Variants in CFTR observed in about 807,000 individuals in gnomAD.
CFTR encodes cystic fibrosis transmembrane conductance regulator.
CFTR carries 181 observed loss-of-function variants against 171.6 expected under a neutral mutation model. That is an observed-to-expected ratio of 1.05 (90% confidence interval 0.93 to 1.19). The LOEUF is 1.19. CFTR is among the 50% of genes most tolerant of loss of function. The pLI, the probability that CFTR is intolerant of heterozygous loss-of-function variation, is 0.00. For synonymous variants in CFTR, 583 were observed against 608.0 expected, an observed-to-expected ratio of 0.96 and a Z score of 0.60; for missense variants, 1,968 against 1,734.7, an observed-to-expected ratio of 1.13 and a Z score of -2.39.
rs200046355 is a variant in CFTR, at chr7:117,540,148, T to C, written c.918T>C (p.Asn306=). ...AGGCAGCCTATGTGAGATACTTCAATAGCTCAGCCTTCTTCTTCTCAGGGT... is the reference window on the plus strand; with the variant it reads ...AGGCAGCCTATGTGAGATACTTCAACAGCTCAGCCTTCTTCTTCTCAGGGT... The part of the protein sequence containing the change: ...TRKAAYVRYF[N]SSAFFFSGFF... The change falls in exon 8 of 27, where the codon AAT becomes AAC. Residue 306 remains asparagine (N), a synonymous_variant. Transcript: ENST00000003084. The C allele has an allele frequency of 1.2e-6, 2 of 1,613,534 alleles. No individual in the cohort carries two copies. Among genetic ancestry groups the C allele is most frequent in the South Asian group, 1.1e-5 (1 of 91,082 alleles).
intron 21 of CFTR, among the ~76,000 whole-genome samples, chr7:117,615,681 G>A (rs1164539093): frequency 6.6e-6 from 1 of 151,620 alleles, no homozygotes; most frequent in Non-Finnish European, 1.5e-5. Flanking sequence ...TAATATTATA[G>A]TAATGCTTAT....
intron 22 of CFTR, among the ~76,000 whole-genome samples, chr7:117,636,554 G>A (rs76266760): frequency 4.0e-5 from 6 of 151,158 alleles, no homozygotes; most frequent in Non-Finnish European, 7.4e-5. Context: ...TAGTCATCCC[G>A]CTGTTTTGGA....
chr7:117,606,457 T>A (rs1340615713), intron 17 of CFTR, among the ~76,000 whole-genome samples: 3 of 152,168 alleles, frequency 2.0e-5, no homozygotes, highest in South Asian at 4.1e-4. Context: ...TCTGAAACTT[T>A]TAAAAAGGTT....
intron 12 of CFTR, among the ~76,000 whole-genome samples, chr7:117,588,398 A>G (rs1791977759): frequency 6.6e-6 from 1 of 152,146 alleles, no homozygotes; most frequent in Non-Finnish European, 1.5e-5. Context: ...GCTGTCAAAG[A>G]GATGTAAATA....
chr7:117,512,162 A>G (rs991283808), intron 3 of CFTR, among the ~76,000 whole-genome samples: 1 of 152,176 alleles, frequency 6.6e-6, no homozygotes, highest in Non-Finnish European at 1.5e-5. Flanking sequence ...TTTGCTGTTA[A>G]CTGTGAAAGG....
At chr7:117,561,393 T>A (rs1799461773) in intron 11 of CFTR, among the ~76,000 whole-genome samples, 1 of 152,090 alleles carries the variant, frequency 6.6e-6, no homozygotes, top group Non-Finnish European at 1.5e-5. Context: ...TTCACAGGGT[T>A]GTATTATCAT....
At chr7:117,652,719 T>C in intron 23 of CFTR, 123 bp from the exon 24 acceptor site, 1 of 602,272 alleles carries the variant, frequency 1.7e-6, no homozygotes, top group Non-Finnish European at 3.0e-6. Context: ...TGATGGTAAG[T>C]ACATGGGTGT....
rs535585974 is a variant in CFTR, at chr7:117,595,370, A to G, written c.2619+312A>G. Among the ~76,000 whole-genome samples the G allele has an allele frequency of 2.7e-5, 4 of 150,586 alleles. No individual in the cohort carries two copies. The East Asian group carries it at 5.8e-4, about 22-fold the overall frequency. On this transcript the variant is annotated intron_variant, in intron 15 of 26. Coordinates refer to ENST00000003084, the MANE Select transcript of CFTR (RefSeq NM_000492.4). Reference sequence around the variant, plus strand: ...TATATTTAAATACAAATATAAGAAGAGTTTTTAATAGATTTTTAATAATAA... The same window carrying G: ...TATATTTAAATACAAATATAAGAAGGGTTTTTAATAGATTTTTAATAATAA...
intron 24 of CFTR, 86 bp from the exon 25 acceptor site, chr7:117,664,602 T>C (rs1340773814): frequency 4.0e-6 from 5 of 1,265,326 alleles, no homozygotes; most frequent in Non-Finnish European, 3.5e-6. Context: ...ACATAAGCTT[T>C]CAGAACTCCT....
At chr7:117,612,043 A>ATATATG (rs1792411870) in intron 20 of CFTR, among the ~76,000 whole-genome samples, 3 of 72,252 alleles carry the variant, frequency 4.2e-5, no homozygotes, top group Admixed American at 1.2e-4. Context: ...ATATATATAT[A>ATATATG]TATATATATA....
intron 11 of CFTR, chr7:117,560,798 G>A (rs961280228): frequency 2.6e-5 from 4 of 152,024 alleles, no homozygotes; most frequent in Admixed American, 2.6e-4. Context: ...ATAACCTGGA[G>A]GTTGGAAAAA....
chr7:117,548,715 C>G lies in CFTR; in HGVS notation c.1284C>G (p.Leu428=). 4 of 1,613,422 alleles carry G rather than the reference C, an allele frequency of 2.5e-6. No homozygotes were observed. The highest frequency in any genetic ancestry group is 3.4e-6 in the Non-Finnish European group (4 of 1,179,616). Reference sequence around the variant, plus strand: ...AAACTTCTAATGGTGATGACAGCCTCTTCTTCAGTAATTTCTCACTTCTTG... The same window carrying G: ...AAACTTCTAATGGTGATGACAGCCTGTTCTTCAGTAATTTCTCACTTCTTG... ...NRKTSNGDDS[L]FFSNFSLLGT... The change falls in exon 10 of 27, where the codon CTC becomes CTG. Residue 428 remains leucine (L), a synonymous_variant. Transcript: ENST00000003084.
At chr7:117,615,494 T>A (rs1584824641) in intron 21 of CFTR, among the ~76,000 whole-genome samples, 1 of 152,066 alleles carries the variant, frequency 6.6e-6, no homozygotes, top group Non-Finnish European at 1.5e-5. Flanking sequence ...ATTATTTAAA[T>A]TTTTTTCACA....
At chr7:117,551,322 G>A (rs1189615948) in intron 10 of CFTR, among the ~76,000 whole-genome samples, 1 of 152,152 alleles carries the variant, frequency 6.6e-6, no homozygotes, top group East Asian at 1.9e-4. Context: ...AAAATGTTAT[G>A]TACAAGTTAC....
At chr7:117,508,145 G>A (rs913801743) in intron 2 of CFTR, among the ~76,000 whole-genome samples, 2 of 152,222 alleles carry the variant, frequency 1.3e-5, no homozygotes, top group African/African-American at 4.8e-5. Flanking sequence ...AATAACCACT[G>A]ATGAAACGTA....
intron 9 of CFTR, among the ~76,000 whole-genome samples, chr7:117,545,123 A>G (rs1799118059): frequency 2.0e-5 from 3 of 152,232 alleles, no homozygotes. Flanking sequence ...ATGGTGGATG[A>G]TGAAAGGCAT....
intron 26 of CFTR, 130 bp from the exon 27 acceptor site, chr7:117,666,778 G>T: frequency 1.3e-6 from 1 of 789,032 alleles, no homozygotes; most frequent in African/African-American, 1.7e-5. Flanking sequence ...ATACCTGATT[G>T]TTCAAAATGC....
intron 10 of CFTR, among the ~76,000 whole-genome samples, chr7:117,550,916 G>A (rs911752084): frequency 6.6e-6 from 1 of 152,078 alleles, no homozygotes; most frequent in African/African-American, 2.4e-5. Context: ...AGTAGTATTA[G>A]GAATGGAACA....
chr7:117,613,375 A>G (rs528983136), intron 20 of CFTR, among the ~76,000 whole-genome samples: 37 of 152,262 alleles, frequency 2.4e-4, no homozygotes, highest in African/African-American at 8.9e-4. Context: ...TTGGCCACCC[A>G]GCTATTATTA....
Sources: allele counts gnomAD v4.1 joint callset (sites outside exome capture counted in the v4.1 genomes callset), GRCh38; gene constraint gnomAD v4.1.1; transcripts MANE v1.5; gene names NCBI Gene and HGNC (gene_info 2026-07-23, HGNC 2026-07-21).